ACLY: variants seen among roughly 807,000 people sequenced by gnomAD.
The protein encoded by ACLY is ATP citrate lyase, also known as ATP-citrate synthase.
A neutral mutation model predicts 133.0 loss-of-function variants in ACLY; 41 were observed. The observed-to-expected ratio is 0.31, with a 90% CI of 0.24 to 0.40. The LOEUF (loss-of-function observed/expected upper bound fraction) is 0.40, where lower values mean the gene tolerates loss of function less well. Ranked by LOEUF, ACLY falls within the 10% of genes least tolerant of loss-of-function variation. The probability of loss-of-function intolerance (pLI) is 1.00; values close to 1 mark genes in which losing one functional copy is unlikely to be tolerated. For missense variants in ACLY, 1,046 were observed against 1,453.8 expected (o/e 0.72, Z 4.56); for synonymous variants, 495 against 549.3 (o/e 0.90, Z 1.38).
chr17:41,890,090 A>G (rs1555628953), intron 16 of ACLY, among the ~76,000 whole-genome samples: 1 of 152,254 alleles, frequency 6.6e-6, no homozygotes, highest in Non-Finnish European at 1.5e-5. Flanking sequence ...TGCAAAAGCA[A>G]AAGTGATGCT....
chr17:41,880,466 T>C (rs977078483), intron 20 of ACLY, among the ~76,000 whole-genome samples: 6 of 152,026 alleles, frequency 3.9e-5, no homozygotes, highest in Non-Finnish European at 5.9e-5. Flanking sequence ...AAGAAGAGAG[T>C]CTATACTCAG....
At chr17:41,909,851 T>C in intron 4 of ACLY, 151 bp from the exon 5 acceptor site, 1 of 719,450 alleles carries the variant, frequency 1.4e-6, no homozygotes, top group Non-Finnish European at 2.3e-6. Context: ...AAACCATTCA[T>C]CCAGAGACTT....
chr17:41,926,754 GC>G (rs1287881569), intron 1 of ACLY, among the ~76,000 whole-genome samples: 2 of 151,552 alleles, frequency 1.3e-5, no homozygotes, highest in African/African-American at 2.4e-5. Context: ...CTCCCAAAGT[GC>G]TGGGATTATA....
intron 6 of ACLY, among the ~76,000 whole-genome samples, chr17:41,908,723 C>A (rs570930752): frequency 8.2e-4 from 125 of 152,300 alleles, no homozygotes; most frequent in Non-Finnish European, 2.6e-4. Flanking sequence ...GAGATTGTGC[C>A]ACTGTACTCC....
At chr17:41,908,091 T>A (rs1487985930) in intron 6 of ACLY, among the ~76,000 whole-genome samples, 1 of 151,992 alleles carries the variant, frequency 6.6e-6, no homozygotes, top group Non-Finnish European at 1.5e-5. Context: ...CCCATCTTCC[T>A]CCTCCCCCAG....
At chr17:41,924,425 G>T (rs2050218232) in intron 1 of ACLY, among the ~76,000 whole-genome samples, 2 of 152,054 alleles carry the variant, frequency 1.3e-5, no homozygotes, top group Admixed American at 1.3e-4. Context: ...AGGATTACAT[G>T]CGTGAGCCAC....
rs75547335 is a variant in ACLY, at chr17:41,908,079, C to T, written c.617-507G>A. 4.6e-5 allele frequency among the ~76,000 whole-genome samples: 7 copies of T among 152,270 alleles called. No homozygotes were observed. The East Asian group carries it at 1.4e-3, about 29-fold the overall frequency. On this transcript the variant is annotated intron_variant, in intron 6 of 28. Transcript: ENST00000352035. ...GATTCGTTTATACCACCTCACTGGA[C>T]ACCCATCTTCCTCCTCCCCCAGGGC...
In ACLY at chr17:41,898,619, G is replaced by A; in HGVS notation, c.1338+12C>T. 6.2e-7 allele frequency: 1 copy of A among 1,612,846 alleles called. No individual in the cohort carries two copies. Among genetic ancestry groups the A allele is most frequent in the Non-Finnish European group, 8.5e-7 (1 of 1,179,668 alleles). On this transcript the variant is annotated intron_variant, in intron 12 of 28. Coordinates refer to ENST00000352035, the MANE Select transcript of ACLY (RefSeq NM_001096.3). ...GTTCCTTCCTGTAAGGTTTGGGGAG[G>A]CTGGAACCTACCGATGTGCTCCCGC... is the stretch of plus-strand genomic sequence containing the variant.
At chr17:41,908,198 C>T (rs893009) in intron 6 of ACLY, among the ~76,000 whole-genome samples, 133,865 of 152,200 alleles carry the variant, frequency 0.88, 59,306 homozygotes, top group East Asian at 1. Context: ...TTCCTAGACT[C>T]TGCCCTGAGA....
intron 10 of ACLY, among the ~76,000 whole-genome samples, chr17:41,902,472 G>A (rs1193583020): frequency 6.6e-6 from 1 of 152,094 alleles, no homozygotes; most frequent in Non-Finnish European, 1.5e-5. Context: ...CCTCAGCCTC[G>A]CAAAGTGCTG....
At chr17:41,907,608 C>G (rs2049760628) in intron 6 of ACLY, 36 bp from the exon 7 acceptor site, 1 of 1,606,776 alleles carries the variant, frequency 6.2e-7, no homozygotes, top group South Asian at 1.1e-5. Context: ...CAGACACCGG[C>G]TCTGGGTAGA....
chr17:41,889,806 C>T (rs1555628893), intron 16 of ACLY, among the ~76,000 whole-genome samples: 1 of 152,014 alleles, frequency 6.6e-6, no homozygotes, highest in African/African-American at 2.4e-5. Flanking sequence ...TTGCCTCAGC[C>T]TCCCAAGTAG....
chr17:41,878,249 C>T, intron 21 of ACLY, 53 bp from the exon 22 acceptor site: 2 of 1,302,470 alleles, frequency 1.5e-6, no homozygotes, highest in South Asian at 1.5e-5. Flanking sequence ...TTTTGGGCTC[C>T]TGTAAGACAT....
In ACLY at chr17:41,892,066, T is replaced by A. The variant is rs1283512781; in HGVS notation, c.1770+213A>T. ...CCCAGACTGACCTGCCCTAAGTCAC[T>A]ATCCTGACTTCTGAAGATCATGTGT... On this transcript the variant is annotated intron_variant, in intron 16 of 28. Transcript: ENST00000352035. 2.0e-5 allele frequency among the ~76,000 whole-genome samples: 3 copies of A among 152,148 alleles called. No individual in the cohort carries two copies. The East Asian group carries it at 5.8e-4, about 29-fold the overall frequency.
chr17:41,898,604 G>C (rs782538991), intron 12 of ACLY, 27 bp downstream of exon 12: 1 of 1,610,208 alleles, frequency 6.2e-7, no homozygotes, highest in African/African-American at 1.3e-5. Flanking sequence ...GTTCCTTCCT[G>C]TAAGGTTTGG....
chr17:41,876,231 C>G (rs1260747425), intron 22 of ACLY, among the ~76,000 whole-genome samples: 1 of 151,554 alleles, frequency 6.6e-6, no homozygotes, highest in Admixed American at 6.6e-5. Context: ...CCACCCCGTC[C>G]GGGAGGGAGA....
chr17:41,888,421 G>A (rs1417567594), intron 16 of ACLY, among the ~76,000 whole-genome samples: 3 of 152,086 alleles, frequency 2.0e-5, no homozygotes, highest in Non-Finnish European at 4.4e-5. Context: ...TTTCTTCATG[G>A]GACCCTCCGA....
intron 15 of ACLY, among the ~76,000 whole-genome samples, 194 bp from the exon 16 acceptor site, chr17:41,892,641 A>C (rs1487099428): frequency 6.6e-6 from 1 of 151,890 alleles, no homozygotes; most frequent in Non-Finnish European, 1.5e-5. Flanking sequence ...AGCCTTCCCC[A>C]GCAAAGGGAA....
chr17:41,912,964 C>T lies in ACLY; in HGVS notation c.160-422G>A, dbSNP rs143495343. Among the ~76,000 whole-genome samples the T allele has an allele frequency of 8.9e-3, 1,357 of 152,284 alleles. 8 individuals carry two copies. Among genetic ancestry groups the T allele is most frequent in the Non-Finnish European group, 0.016 (1,070 of 68,016 alleles). On this transcript the variant is annotated intron_variant, in intron 2 of 28. Coordinates refer to ENST00000352035, the MANE Select transcript of ACLY (RefSeq NM_001096.3). ...ACCTTAGAGGTCATCTGGTCAACCC[C>T]ATCCCTGTGCTTGAACCCTGTCTAC...
Sources: gnomAD v4.1 joint callset for allele counts (sites outside exome capture counted in the v4.1 genomes callset) on GRCh38, gnomAD v4.1.1 for gene constraint, MANE v1.5 for transcripts, NCBI Gene and HGNC (gene_info 2026-07-23, HGNC 2026-07-21) for gene names.